The following ATP2B4 variants were observed in gnomAD, a reference collection of about 807,000 sequenced individuals.
ATP2B4 encodes ATPase plasma membrane Ca2+ transporting 4.
ATP2B4 carries 39 observed loss-of-function variants against 110.3 expected under a neutral mutation model. The observed-to-expected ratio is 0.35, with a 90% CI of 0.27 to 0.46. ATP2B4 has a LOEUF of 0.46. Among genes scored for constraint, ATP2B4 ranks in the 20% least tolerant of loss-of-function variants. The probability of loss-of-function intolerance (pLI) is 1.00; values close to 1 mark genes in which losing one functional copy is unlikely to be tolerated. For missense variants in ATP2B4, 1,135 were observed against 1,530.9 expected (o/e 0.74, Z 4.32); for synonymous variants, 538 against 571.7 (o/e 0.94, Z 0.84).
In ATP2B4 at chr1:203,683,237, C is replaced by A; in HGVS notation, c.32C>A (p.Ala11Asp). Residue 11 changes from alanine (A) to aspartate (D), a missense_variant, in exon 2 of 21, where the codon GCC (alanine) becomes GAC (aspartate). By Grantham distance (126) the Ala-to-Asp change is moderately radical. This residue lies in a region of ATP2B4 where 122 missense variants were observed against 125.2 expected (regional missense o/e 0.97). Coordinates refer to ENST00000357681, the MANE Select transcript of ATP2B4 (RefSeq NM_001684.5). MTNPSDRVLPANSMAESREGD... is the reference protein window; with the variant it reads MTNPSDRVLPDNSMAESREGD... ...AACCCATCAGACCGTGTCTTGCCTG[C>A]CAACTCGATGGCCGAGAGCCGTGAA... The A allele has an allele frequency of 1.2e-6, 2 of 1,614,076 alleles. No individual in the cohort carries two copies. Among genetic ancestry groups the A allele is most frequent in the Non-Finnish European group, 1.7e-6 (2 of 1,179,980 alleles).
intron 19 of ATP2B4, among the ~76,000 whole-genome samples, chr1:203,725,694 G>C (rs960820547): frequency 2.0e-5 from 3 of 151,780 alleles, no homozygotes; most frequent in Non-Finnish European, 4.4e-5. Flanking sequence ...CTCATCCTCA[G>C]CTCTGGCCTG....
At position 203,727,481 on chromosome 1, in the gene ATP2B4, C is replaced by A; in HGVS notation, c.3219C>A (p.Ala1073=). The A allele has an allele frequency of 6.2e-7, 1 of 1,614,178 alleles. No homozygotes were observed. The highest frequency in any genetic ancestry group is 1.7e-5 in the Admixed American group (1 of 60,016). ...GTTKEEITKD[A]EGLDEIDHAE... The stretch of plus-strand genomic sequence containing the variant: ...CCAAAGAGGAGATCACCAAGGATGC[C>A]GAGGGACTGGATGAGATTGACCATG... Residue 1073 remains alanine, a synonymous_variant, in exon 20 of 21, where the codon GCC becomes GCA. Coordinates refer to ENST00000357681, the MANE Select transcript of ATP2B4 (RefSeq NM_001684.5).
chr1:203,689,492 C>G (rs1344320806), intron 2 of ATP2B4, among the ~76,000 whole-genome samples: 3 of 152,196 alleles, frequency 2.0e-5, no homozygotes, highest in Non-Finnish European at 1.5e-5. Context: ...TAACTGTAGG[C>G]CTTCTTTCAA....
At chr1:203,685,826 C>T (rs1381823341) in intron 2 of ATP2B4, among the ~76,000 whole-genome samples, 2 of 152,128 alleles carry the variant, frequency 1.3e-5, no homozygotes, top group Non-Finnish European at 2.9e-5. Context: ...ATACAGTGCT[C>T]ATACTTATAA....
In ATP2B4 at chr1:203,698,233, C is replaced by G; in HGVS notation, c.270C>G (p.Pro90=). Reference sequence around the variant, plus strand: ...ACAACGTGATCCCCCCCAAAAAGCCCAAGACTTTCTTAGAATTAGTGTGGG... The same window carrying G: ...ACAACGTGATCCCCCCCAAAAAGCCGAAGACTTTCTTAGAATTAGTGTGGG... ...FGHNVIPPKK[P]KTFLELVWEA... The change falls in exon 3 of 21, where the codon CCC becomes CCG. Residue 90 remains proline (P), a synonymous_variant. Coordinates refer to ENST00000357681, the MANE Select transcript of ATP2B4 (RefSeq NM_001684.5). 6.2e-7 allele frequency: 1 copy of G among 1,614,150 alleles called. No individual in the cohort carries two copies. Among genetic ancestry groups the G allele is most frequent in the East Asian group, 2.2e-5 (1 of 44,894 alleles).
chr1:203,634,085 A>G (rs1319000392), intron 1 of ATP2B4, among the ~76,000 whole-genome samples: 2 of 152,168 alleles, frequency 1.3e-5, no homozygotes, highest in Admixed American at 6.5e-5. Flanking sequence ...TTTAATAGAA[A>G]AATACTAGTT....
rs138492054 is a variant in ATP2B4 at position 203,713,429 on chromosome 1, C to A, written c.2299+177C>A. ...ACATCTGAGCCCTTGGTGAGTATGA[C>A]ACACAATAAAGTTGTTGGGTTTTTA... On this transcript the variant is annotated intron_variant, in intron 14 of 20. Transcript: ENST00000357681. Among the ~76,000 whole-genome samples, 50 of 152,220 alleles carry A rather than the reference C, an allele frequency of 3.3e-4. 2 individuals are homozygous for A. The highest frequency in any genetic ancestry group is 1.2e-3 in the African/African-American group (48 of 41,544).
chr1:203,714,289 A>T lies in ATP2B4; in HGVS notation c.2406+12A>T, dbSNP rs775212685. The T allele has an allele frequency of 6.2e-7, 1 of 1,613,780 alleles. No individual in the cohort carries two copies. Among genetic ancestry groups the T allele is most frequent in the Non-Finnish European group, 8.5e-7 (1 of 1,179,902 alleles). ...TTGGTTTTGCCATGGTAAGCTCAGC[A>T]CAGTGTCTCTCTGATTGCAAGCTGC... On this transcript the variant is annotated intron_variant, in intron 15 of 20. Transcript: ENST00000357681.
chr1:203,692,180 T>C (rs900583744), intron 2 of ATP2B4, among the ~76,000 whole-genome samples: 3 of 150,584 alleles, frequency 2.0e-5, no homozygotes, highest in Non-Finnish European at 4.4e-5. Flanking sequence ...ACACCCGGCC[T>C]TTTTTTTCTT....
intron 9 of ATP2B4, 91 bp from the exon 10 acceptor site, chr1:203,707,771 G>A: frequency 6.6e-7 from 1 of 1,518,666 alleles, no homozygotes; most frequent in Non-Finnish European, 9.0e-7. Context: ...GATGAAATGT[G>A]GAGAGATGTT....
rs1206802234 is a variant in ATP2B4 at position 203,709,460 on chromosome 1, A to G, written c.1717A>G (p.Lys573Glu). 1.2e-6 allele frequency: 2 copies of G among 1,614,196 alleles called. No homozygotes were observed. The highest frequency in any genetic ancestry group is 8.5e-7 in the Non-Finnish European group (1 of 1,180,028). The change falls in exon 11 of 21, where the codon AAG becomes GAG. Residue 573 changes from lysine to glutamate, a missense_variant. Transcript: ENST00000357681. ...GGTGTACACCTTTAACTCAGTGCGC[A>G]AGTCAATGAGCACCGTCATCAGGAA... The part of the protein sequence containing the change: ...YKVYTFNSVR[K>E]SMSTVIRNPN...
In ATP2B4 at chr1:203,672,247, C is replaced by T. The variant is rs76329619; in HGVS notation, c.-464-10495C>T. Among the ~76,000 whole-genome samples the T allele has an allele frequency of 7.3e-3, 1,095 of 150,806 alleles. 9 individuals carry two copies. The highest frequency in any genetic ancestry group is 0.025 in the African/African-American group (1,038 of 40,884). On this transcript the variant is annotated intron_variant, in intron 1 of 20. Coordinates refer to ENST00000357681, the MANE Select transcript of ATP2B4 (RefSeq NM_001684.5). The stretch of plus-strand genomic sequence containing the variant: ...GCTCACCCACACTCCTTGCTTCCAT[C>T]TTCCCCTTCCTGGCTCAAGTCATAG...
chr1:203,735,942 C>T (rs1165884372), intron 20 of ATP2B4, among the ~76,000 whole-genome samples: 6 of 152,186 alleles, frequency 3.9e-5, no homozygotes, highest in African/African-American at 1.4e-4. Context: ...AGAGGGTGTG[C>T]TCCAAATCCT....
intron 2 of ATP2B4, among the ~76,000 whole-genome samples, chr1:203,694,032 C>G (rs1286890339): frequency 6.6e-6 from 1 of 152,160 alleles, no homozygotes; most frequent in African/African-American, 2.4e-5. Flanking sequence ...TAGTCATACC[C>G]CTGCCAGGCC....
chr1:203,699,809 ACCC>A lies in ATP2B4; in HGVS notation c.649+93_649+95del. ...ATGAGGGGGCTGGGAATTGCTGAAAACCCAAAAAGATAAGATCCAAAATTGTAT... is the reference window on the plus strand; with the variant it reads ...ATGAGGGGGCTGGGAATTGCTGAAAAAAAAAGATAAGATCCAAAATTGTAT... On this transcript the variant is annotated intron_variant, in intron 4 of 20. Transcript: ENST00000357681. 1.9e-6 allele frequency: 3 copies of A among 1,539,484 alleles called. No individual in the cohort carries two copies. The Admixed American group carries it at 5.9e-5, about 30-fold the overall frequency.
intron 2 of ATP2B4, among the ~76,000 whole-genome samples, chr1:203,697,442 G>T (rs1228154017): frequency 6.6e-6 from 1 of 152,152 alleles, no homozygotes; most frequent in Non-Finnish European, 1.5e-5. Context: ...TGAATCCCAA[G>T]AACCACTTTA....
At position 203,721,190 on chromosome 1, in the gene ATP2B4, C is replaced by T; in HGVS notation, c.2599-7C>T. The T allele has an allele frequency of 6.2e-7, 1 of 1,613,750 alleles. No homozygotes were observed. The highest frequency in any genetic ancestry group is 8.5e-7 in the Non-Finnish European group (1 of 1,179,694). On this transcript the variant is annotated splice_polypyrimidine_tract_variant and splice_region_variant and intron_variant, in intron 16 of 20. Transcript: ENST00000357681. ...AAGCTAAAAGGACTGGTTCTTCTCCCCGCCAGGATTCCCCATTGAAAGCTG... is the reference window on the plus strand; with the variant it reads ...AAGCTAAAAGGACTGGTTCTTCTCCTCGCCAGGATTCCCCATTGAAAGCTG...
chr1:203,739,891 T>G lies in ATP2B4; in HGVS notation c.*37T>G, dbSNP rs756979515. ...CTGACTCTCATCCCTATTTTACCTA[T>G]TTCCATTTTCGTCTATCCCATCTAT... On this transcript the variant is annotated 3_prime_UTR_variant, in exon 21 of 21. Coordinates refer to ENST00000357681, the MANE Select transcript of ATP2B4 (RefSeq NM_001684.5). 4 of 1,577,222 alleles carry G rather than the reference T, an allele frequency of 2.5e-6. No individual in the cohort carries two copies. The African/African-American group carries it at 5.4e-5, about 21-fold the overall frequency.
chr1:203,713,749 G>A (rs1666081061), intron 14 of ATP2B4, among the ~76,000 whole-genome samples: 1 of 152,184 alleles, frequency 6.6e-6, no homozygotes, highest in Non-Finnish European at 1.5e-5. Context: ...AGAGCCGTGA[G>A]CCACCGCACC....
Sources: allele counts gnomAD v4.1 joint callset (sites outside exome capture counted in the v4.1 genomes callset), GRCh38; gene constraint gnomAD v4.1.1; regional missense constraint gnomAD v4.1.1; transcripts MANE v1.5; gene names NCBI Gene and HGNC (gene_info 2026-07-23, HGNC 2026-07-21).